FLVCR2: variants seen among roughly 807,000 people sequenced by gnomAD.
FLVCR2 encodes choline/ethanolamine transporter FLVCR2.
A neutral mutation model predicts 48.9 loss-of-function variants in FLVCR2; 38 were observed. That is an observed-to-expected ratio of 0.78 (90% CI 0.60 to 1.02). FLVCR2 has a LOEUF of 1.02. Among genes scored for constraint, FLVCR2 ranks in the 50% least tolerant of loss-of-function variants. The pLI, the probability that FLVCR2 is intolerant of heterozygous loss-of-function variation, is 0.00. For missense variants in FLVCR2, 664 were observed against 663.3 expected (o/e 1.00, Z -0.01); for synonymous variants, 255 against 257.0 (o/e 0.99, Z 0.07).
At chr14:75,618,058 G>C (rs902875919) in intron 1 of FLVCR2, among the ~76,000 whole-genome samples, 1 of 152,222 alleles carries the variant, frequency 6.6e-6, no homozygotes, top group Non-Finnish European at 1.5e-5. Flanking sequence ...CCATTAGACA[G>C]AGCCCATGTG....
chr14:75,632,728 C>T (rs1890075551), intron 3 of FLVCR2: 1 of 702,212 alleles, frequency 1.4e-6, no homozygotes, highest in Non-Finnish European at 2.6e-6. Context: ...TCTTGTGAGC[C>T]TCAATGTTTA....
chr14:75,595,849 TC>T (rs1889006331), intron 1 of FLVCR2: 9 of 963,534 alleles, frequency 9.3e-6, no homozygotes, highest in Admixed American at 3.4e-5. Flanking sequence ...GCCTTTGCAG[TC>T]CCCCTGACTT....
chr14:75,584,675 T>C (rs1280502839), intron 1 of FLVCR2, among the ~76,000 whole-genome samples: 1 of 152,224 alleles, frequency 6.6e-6, no homozygotes, highest in African/African-American at 2.4e-5. Context: ...TAATGCTTCC[T>C]GGAGGTCTGG....
rs1888767971 is a variant in FLVCR2 at position 75,586,981 on chromosome 14, C to T, written c.669+7340C>T. Among the ~76,000 whole-genome samples the T allele has an allele frequency of 5.9e-5, 9 of 152,168 alleles. No individual in the cohort carries two copies. In the South Asian group the frequency reaches 1.9e-3, roughly 32 times the overall value. ...CATAGCATAGAGGATTTGTTTTCAGCTAGAGGATTTATTTTCAGTTCTCCA... is the reference window on the plus strand; with the variant it reads ...CATAGCATAGAGGATTTGTTTTCAGTTAGAGGATTTATTTTCAGTTCTCCA... On this transcript the variant is annotated intron_variant, in intron 1 of 9. Coordinates refer to ENST00000238667, the MANE Select transcript of FLVCR2 (RefSeq NM_017791.3).
intron 1 of FLVCR2, among the ~76,000 whole-genome samples, chr14:75,602,375 G>T (rs1889186820): frequency 6.6e-6 from 1 of 152,080 alleles, no homozygotes; most frequent in Admixed American, 6.5e-5. Context: ...TCCCTGGAGG[G>T]GGTAGAGGGA....
chr14:75,610,408 C>T (rs1186193590), intron 1 of FLVCR2, among the ~76,000 whole-genome samples: 1 of 151,970 alleles, frequency 6.6e-6, no homozygotes, highest in Non-Finnish European at 1.5e-5. Context: ...AGCATAAATA[C>T]CGGGCTTAGC....
chr14:75,624,822 A>G (rs1263900375), intron 3 of FLVCR2, 70 bp downstream of exon 3: 12 of 1,559,506 alleles, frequency 7.7e-6, no homozygotes, highest in Non-Finnish European at 1.1e-5. Context: ...ATGTGTCTTC[A>G]TATATTACTC....
chr14:75,641,393 A>T, intron 8 of FLVCR2, 100 bp downstream of exon 8: 1 of 783,516 alleles, frequency 1.3e-6, no homozygotes, highest in East Asian at 2.5e-5. Flanking sequence ...GTAGGGGGAC[A>T]GATGGAAGGG....
intron 1 of FLVCR2, chr14:75,595,790 A>C: frequency 2.6e-6 from 2 of 764,846 alleles, no homozygotes; most frequent in Non-Finnish European, 4.8e-6. Flanking sequence ...CACAGATTAC[A>C]CCATTGCAGC....
rs141193833 is a variant in FLVCR2, at chr14:75,630,029, C to G, written c.953-3600C>G. On this transcript the variant is annotated intron_variant, in intron 3 of 9. Transcript: ENST00000238667. ...GGGAGCTTTGCCGAGGTCAAGCTGG[C>G]CCTTTAAAACAAGGACTAAAGGGAA... 1.6e-3 allele frequency among the ~76,000 whole-genome samples: 238 copies of G among 152,258 alleles called. 2 individuals are homozygous for G. Among genetic ancestry groups the G allele is most frequent in the African/African-American group, 5.4e-3 (226 of 41,558 alleles).
chr14:75,596,243 G>A (rs988487337), intron 1 of FLVCR2: 7 of 610,894 alleles, frequency 1.1e-5, no homozygotes, highest in African/African-American at 1.8e-5. Context: ...GGGAGGAAAA[G>A]CATGACTGTC....
At chr14:75,636,071 C>T (rs1890160897) in intron 5 of FLVCR2, among the ~76,000 whole-genome samples, 2 of 152,160 alleles carry the variant, frequency 1.3e-5, no homozygotes, top group Admixed American at 1.3e-4. Context: ...TTCCAGTGCT[C>T]CCCGTTCACT....
chr14:75,578,647 G>C lies in FLVCR2; in HGVS notation c.-326G>C. The C allele has an allele frequency of 7.1e-6, 3 of 425,204 alleles. No individual in the cohort carries two copies. The highest frequency in any genetic ancestry group is 8.7e-6 in the Non-Finnish European group (2 of 230,038). 26.3% of individuals were successfully genotyped at this position (425,204 alleles called of 1,614,324 possible). ...AGGACTCTGCGGGCGAAGTGGCTGC[G>C]CAAGGAGAGAACTTTTCCTGCACAA... is the stretch of plus-strand genomic sequence containing the variant. On this transcript the variant is annotated 5_prime_UTR_variant, in exon 1 of 10. Transcript: ENST00000238667.
intron 5 of FLVCR2, among the ~76,000 whole-genome samples, chr14:75,636,218 C>G (rs1594814338): frequency 6.6e-6 from 1 of 152,206 alleles, no homozygotes; most frequent in East Asian, 1.9e-4. Context: ...CAGACCTGTT[C>G]TCTGCCACAC....
chr14:75,641,746 G>A, intron 8 of FLVCR2, 97 bp from the exon 9 acceptor site: 1 of 1,131,154 alleles, frequency 8.8e-7, no homozygotes, highest in Non-Finnish European at 1.3e-6. Context: ...AGTAAGTTTG[G>A]GATACCTGTG....
intron 3 of FLVCR2, chr14:75,631,802 GA>G (rs1331199028): frequency 2.2e-6 from 1 of 456,070 alleles, no homozygotes; most frequent in Admixed American, 2.3e-5. Flanking sequence ...TCTTCACTCG[GA>G]AATGGACTTT....
At chr14:75,630,617 T>C (rs1753616509) in intron 3 of FLVCR2, among the ~76,000 whole-genome samples, 1 of 152,034 alleles carries the variant, frequency 6.6e-6, no homozygotes. Context: ...GCACTTTGGG[T>C]GGCCAAAGTG....
chr14:75,605,812 G>A (rs555934170), intron 1 of FLVCR2: 11 of 602,382 alleles, frequency 1.8e-5, no homozygotes, highest in Non-Finnish European at 3.2e-5. Flanking sequence ...GGAAAAGAGG[G>A]ACACAGAAGC....
intron 1 of FLVCR2, among the ~76,000 whole-genome samples, chr14:75,599,879 G>A (rs1175962032): frequency 6.6e-6 from 1 of 152,180 alleles, no homozygotes; most frequent in Admixed American, 6.5e-5. Flanking sequence ...TTTCAATAAG[G>A]GGTGTTGGGA....
Sources: gnomAD v4.1 joint callset for allele counts (sites outside exome capture counted in the v4.1 genomes callset) on GRCh38, gnomAD v4.1.1 for gene constraint, MANE v1.5 for transcripts, NCBI Gene and HGNC (gene_info 2026-07-23, HGNC 2026-07-21) for gene names.